CADPS2: variants seen among roughly 807,000 people sequenced by gnomAD.
The protein encoded by CADPS2 is calcium dependent secretion activator 2.
Under a neutral mutation model 172.5 loss-of-function variants are expected in CADPS2, and 93 were observed. The ratio of observed to expected loss-of-function variants is 0.54; its 90% CI spans 0.46 to 0.64. The LOEUF is 0.64. Ranked by LOEUF, CADPS2 falls within the 30% of genes least tolerant of loss-of-function variation. CADPS2 has a pLI of 0.00. For synonymous variants in CADPS2, 546 were observed against 555.2 expected (o/e 0.98, Z 0.23); for missense variants, 1,420 against 1,565.9 (o/e 0.91, Z 1.57).
At chr7:122,562,761 G>T (rs73433769) in intron 7 of CADPS2, among the ~76,000 whole-genome samples, 4,228 of 152,096 alleles carry the variant, frequency 0.028, 71 homozygotes, top group South Asian at 0.055. Context: ...TACTTTGTGT[G>T]TGCTTATATC....
At chr7:122,668,418 AC>A (rs1304964368) in intron 2 of CADPS2, among the ~76,000 whole-genome samples, 132 of 143,152 alleles carry the variant, frequency 9.2e-4, no homozygotes, top group African/African-American at 2.4e-3. Context: ...AAAAAAAAAA[AC>A]AAAAACAAAC....
At position 122,599,015 on chromosome 7, in the gene CADPS2, A is replaced by T. The variant is rs1048647201; in HGVS notation, c.1223+16166T>A. On this transcript the variant is annotated intron_variant, in intron 6 of 29. Transcript: ENST00000449022. ...AAGCCCTCACAGAGAAAAGCATGCT[A>T]AACTGGAGCCTTCAAGGAAAAGTAA... 2.0e-5 allele frequency among the ~76,000 whole-genome samples: 3 copies of T among 152,210 alleles called. No homozygotes were observed. In the South Asian group the frequency reaches 6.2e-4, roughly 32 times the overall value.
intron 6 of CADPS2, among the ~76,000 whole-genome samples, chr7:122,605,372 G>A (rs560527232): frequency 2.6e-5 from 4 of 151,930 alleles, no homozygotes; most frequent in Non-Finnish European, 5.9e-5. Flanking sequence ...GGAATTTTTC[G>A]GCTCCATTAT....
intron 28 of CADPS2, among the ~76,000 whole-genome samples, chr7:122,326,432 G>A (rs903305001): frequency 6.6e-6 from 1 of 152,028 alleles, no homozygotes; most frequent in Non-Finnish European, 1.5e-5. Flanking sequence ...AAGACAATCT[G>A]CCATTACAAA....
chr7:122,422,745 A>T (rs1181895179), intron 17 of CADPS2, among the ~76,000 whole-genome samples: 1 of 151,094 alleles, frequency 6.6e-6, no homozygotes, highest in Non-Finnish European at 1.5e-5. Context: ...ACTTGATATT[A>T]GGAGTTCGAG....
At chr7:122,392,694 T>C (rs533629689) in intron 22 of CADPS2, among the ~76,000 whole-genome samples, 8 of 152,270 alleles carry the variant, frequency 5.3e-5, no homozygotes, top group Middle Eastern at 3.4e-3. Flanking sequence ...CTTCCTGGTT[T>C]TGGCAATGAA....
At chr7:122,568,295 G>A (rs1226537335) in intron 7 of CADPS2, among the ~76,000 whole-genome samples, 1 of 151,978 alleles carries the variant, frequency 6.6e-6, no homozygotes, top group Non-Finnish European at 1.5e-5. Context: ...CTAAGATAAA[G>A]TAGATTTTTA....
At chr7:122,661,465 T>A (rs1588211477) in intron 3 of CADPS2, among the ~76,000 whole-genome samples, 1 of 152,330 alleles carries the variant, frequency 6.6e-6, no homozygotes, top group Non-Finnish European at 1.5e-5. Context: ...TAACATCTAG[T>A]ATATTCTAAT....
intron 27 of CADPS2, among the ~76,000 whole-genome samples, chr7:122,348,098 A>C (rs1176258248): frequency 6.6e-6 from 1 of 152,142 alleles, no homozygotes; most frequent in Non-Finnish European, 1.5e-5. Flanking sequence ...TGTCTTTACT[A>C]CTATTTCTCC....
intron 2 of CADPS2, among the ~76,000 whole-genome samples, chr7:122,683,332 G>A (rs1210810169): frequency 6.6e-6 from 1 of 152,124 alleles, no homozygotes; most frequent in Non-Finnish European, 1.5e-5. Context: ...GTCTTTTTAA[G>A]GGCACAGGAT....
intron 29 of CADPS2, among the ~76,000 whole-genome samples, chr7:122,324,490 G>A (rs945441122): frequency 2.0e-5 from 3 of 152,090 alleles, no homozygotes; most frequent in Admixed American, 1.3e-4. Context: ...TTCCACCCTC[G>A]GAATTTCTGA....
chr7:122,589,564 A>C (rs1031986295), intron 6 of CADPS2, among the ~76,000 whole-genome samples: 1 of 151,942 alleles, frequency 6.6e-6, no homozygotes, highest in African/African-American at 2.4e-5. Context: ...TACTTCAGCC[A>C]AAGACTCAGT....
chr7:122,642,717 G>T (rs868198509), intron 3 of CADPS2, among the ~76,000 whole-genome samples: 3 of 151,852 alleles, frequency 2.0e-5, no homozygotes, highest in Non-Finnish European at 2.9e-5. Flanking sequence ...TAATATATCT[G>T]TTCTCTAGAA....
intron 24 of CADPS2, among the ~76,000 whole-genome samples, chr7:122,386,543 T>G (rs940874688): frequency 6.6e-6 from 1 of 151,854 alleles, no homozygotes; most frequent in Admixed American, 6.6e-5. Flanking sequence ...ATAAATAAAA[T>G]AGAAAGAATA....
intron 3 of CADPS2, among the ~76,000 whole-genome samples, chr7:122,647,591 A>G (rs1161048457): frequency 6.6e-6 from 1 of 152,214 alleles, no homozygotes; most frequent in Non-Finnish European, 1.5e-5. Context: ...GATTAGGGAA[A>G]ATGGAAGCAT....
chr7:122,509,558 T>C (rs1033644477), intron 9 of CADPS2, among the ~76,000 whole-genome samples: 1 of 152,130 alleles, frequency 6.6e-6, no homozygotes, highest in South Asian at 2.1e-4. Flanking sequence ...ATTTTTCCAA[T>C]AGAGTAACAC....
intron 8 of CADPS2, among the ~76,000 whole-genome samples, chr7:122,541,301 A>G (rs2062902017): frequency 6.7e-6 from 1 of 149,240 alleles, no homozygotes; most frequent in Non-Finnish European, 1.5e-5. Context: ...GATTCAAGCA[A>G]TTTTCCTGCC....
intron 22 of CADPS2, among the ~76,000 whole-genome samples, chr7:122,392,016 G>A (rs759393497): frequency 2.0e-5 from 3 of 152,080 alleles, no homozygotes; most frequent in African/African-American, 4.8e-5. Context: ...ATAATGATAT[G>A]AGGTTGTTAT....
intron 25 of CADPS2, among the ~76,000 whole-genome samples, chr7:122,364,450 G>A (rs969251189): frequency 3.4e-5 from 5 of 148,154 alleles, no homozygotes; most frequent in African/African-American, 1.2e-4. Flanking sequence ...AACTTGGCCA[G>A]GTGCCGTGGC....
Sources: gnomAD v4.1 joint callset for allele counts (sites outside exome capture counted in the v4.1 genomes callset) on GRCh38, gnomAD v4.1.1 for gene constraint, MANE v1.5 for transcripts, NCBI Gene and HGNC (gene_info 2026-07-23, HGNC 2026-07-21) for gene names.